The following MYO1B variants were observed in gnomAD, a reference collection of about 807,000 sequenced individuals.
MYO1B encodes myosin IB, also known as unconventional myosin-Ib.
A neutral mutation model predicts 159.7 loss-of-function variants in MYO1B; 72 were observed. The observed-to-expected ratio is 0.45, with a 90% confidence interval of 0.37 to 0.55. The LOEUF is 0.55. Ranked by LOEUF, MYO1B falls within the 20% of genes least tolerant of loss-of-function variation. The pLI, the probability that MYO1B is intolerant of heterozygous loss-of-function variation, is 0.00. For missense variants in MYO1B, 1,062 were observed against 1,364.8 expected, an observed-to-expected ratio of 0.78 and a Z score of 3.50; for synonymous variants, 468 against 473.8, an observed-to-expected ratio of 0.99 and a Z score of 0.16.
At chr2:191,317,995 A>T (rs972786051) in intron 3 of MYO1B, among the ~76,000 whole-genome samples, 10 of 152,204 alleles carry the variant, frequency 6.6e-5, no homozygotes, top group Non-Finnish European at 1.2e-4. Context: ...AGGTGATGTT[A>T]GGATTAATTA....
Position 191,363,862 on chromosome 2 carries a change from CAA to C in MYO1B, c.902_903del (p.Lys301ArgfsTer2). On this transcript the variant is annotated frameshift_variant, in exon 10 of 31. Transcript: ENST00000392318. LOFTEE classifies it high-confidence loss of function. Reference protein sequence around the residue: ...RVNGLDESKIKDKNELKEICE... With the variant: ...RVNGLDESKIXDKNELKEICE... ...TGAATGGTCTAGATGAAAGCAAAAT[CAA>C]AGATAAAAATGGTACATCCGTGGAG... 1 of 1,613,400 alleles carries C rather than the reference CAA, an allele frequency of 6.2e-7. No homozygotes were observed. The highest frequency in any genetic ancestry group is 8.5e-7 in the Non-Finnish European group (1 of 1,179,814).
chr2:191,423,297 A>G (rs921684849), intron 30 of MYO1B, among the ~76,000 whole-genome samples: 1 of 152,232 alleles, frequency 6.6e-6, no homozygotes, highest in Admixed American at 6.5e-5. Context: ...TTGTAACACA[A>G]TGGTAAATAG....
At chr2:191,288,991 A>C (rs1044850812) in intron 2 of MYO1B, among the ~76,000 whole-genome samples, 10 of 152,376 alleles carry the variant, frequency 6.6e-5, no homozygotes, top group East Asian at 1.9e-4. Context: ...TAAGATATTT[A>C]AATAAATATT....
chr2:191,254,511 C>CTT (rs762341201), intron 1 of MYO1B, among the ~76,000 whole-genome samples: 1 of 144,714 alleles, frequency 6.9e-6, no homozygotes. Flanking sequence ...CGCCCGGCCT[C>CTT]TTTTTTTTTT....
At chr2:191,351,178 T>C (rs1692896748) in intron 7 of MYO1B, among the ~76,000 whole-genome samples, 1 of 140,456 alleles carries the variant, frequency 7.1e-6, no homozygotes, top group Non-Finnish European at 1.6e-5. Flanking sequence ...AAAAAATTTA[T>C]GTTTAGACCT....
In MYO1B at chr2:191,291,276, T is replaced by C. The variant is rs576999622; in HGVS notation, c.136-4835T>C. On this transcript the variant is annotated intron_variant, in intron 2 of 30. Transcript: ENST00000392318. ...ATTATTTGATTATTTACAAGACATC[T>C]GTTTTGGAATGCTAGAGATACTTGA... 1.7e-4 allele frequency among the ~76,000 whole-genome samples: 26 copies of C among 152,338 alleles called. No homozygotes were observed. The South Asian group carries it at 5.2e-3, about 30-fold the overall frequency.
intron 1 of MYO1B, chr2:191,263,196 T>C (rs940446216): frequency 1.1e-5 from 3 of 283,362 alleles, no homozygotes; most frequent in African/African-American, 2.3e-5. Flanking sequence ...AACAGCCCTG[T>C]ATGGAAGCTG....
intron 7 of MYO1B, among the ~76,000 whole-genome samples, chr2:191,356,935 G>A (rs763625987): frequency 2.0e-5 from 3 of 152,216 alleles, no homozygotes; most frequent in Non-Finnish European, 2.9e-5. Context: ...GAGGCACAGG[G>A]TCTCTGCGAG....
At chr2:191,362,780 G>A (rs1431819642) in intron 9 of MYO1B, among the ~76,000 whole-genome samples, 1 of 152,120 alleles carries the variant, frequency 6.6e-6, no homozygotes, top group Non-Finnish European at 1.5e-5. Context: ...ATAAACCCGA[G>A]CGATTAGCAT....
intron 3 of MYO1B, among the ~76,000 whole-genome samples, chr2:191,314,356 C>G (rs956239711): frequency 2.6e-5 from 4 of 152,112 alleles, no homozygotes; most frequent in Non-Finnish European, 5.9e-5. Flanking sequence ...GTTGCTATTG[C>G]TTACAGAAAT....
chr2:191,260,181 G>A (rs1686709711), intron 1 of MYO1B, among the ~76,000 whole-genome samples: 1 of 150,420 alleles, frequency 6.6e-6, no homozygotes, highest in Non-Finnish European at 1.5e-5. Flanking sequence ...AAGATTGAGT[G>A]GGTAGCTATC....
intron 3 of MYO1B, among the ~76,000 whole-genome samples, chr2:191,300,902 T>C (rs1206020462): frequency 1.3e-5 from 2 of 152,154 alleles, no homozygotes; most frequent in African/African-American, 2.4e-5. Context: ...AAAAAATAAT[T>C]CCATTTTGTA....
chr2:191,318,992 T>G (rs1690531435), intron 3 of MYO1B, among the ~76,000 whole-genome samples: 1 of 152,146 alleles, frequency 6.6e-6, no homozygotes, highest in Non-Finnish European at 1.5e-5. Flanking sequence ...ATAGCAAGCT[T>G]GTAAACTGAT....
chr2:191,306,109 G>A (rs1689636078), intron 3 of MYO1B, among the ~76,000 whole-genome samples: 1 of 152,184 alleles, frequency 6.6e-6, no homozygotes, highest in African/African-American at 2.4e-5. Flanking sequence ...ATGGTGACAA[G>A]TGCTGTGGAG....
chr2:191,266,810 T>C (rs1014903617), intron 1 of MYO1B, among the ~76,000 whole-genome samples: 6 of 152,142 alleles, frequency 3.9e-5, no homozygotes, highest in Non-Finnish European at 5.9e-5. Context: ...CATGTTGTTA[T>C]AGCAGCCGCT....
intron 28 of MYO1B, 94 bp downstream of exon 28, chr2:191,414,274 T>C: frequency 2.1e-6 from 3 of 1,453,666 alleles, no homozygotes; most frequent in South Asian, 2.9e-5. Flanking sequence ...TTTCATGTTC[T>C]CAGTAGAGTT....
Position 191,400,378 on chromosome 2 carries a change from T to G in MYO1B, c.2296-4T>G. ...TCTCTCTTTTGGGTGATTCTGCCCT[T>G]TAGGCTCGAAAAATTCTGCGGGAAC... On this transcript the variant is annotated splice_polypyrimidine_tract_variant and splice_region_variant and intron_variant, in intron 21 of 30. Transcript: ENST00000392318. The G allele has an allele frequency of 3.1e-6, 5 of 1,614,154 alleles. No individual in the cohort carries two copies. The highest frequency in any genetic ancestry group is 4.2e-6 in the Non-Finnish European group (5 of 1,180,006).
At chr2:191,255,643 AGTGTTTTACACACTATT>A (rs1352141221) in intron 1 of MYO1B, among the ~76,000 whole-genome samples, 2 of 152,240 alleles carry the variant, frequency 1.3e-5, no homozygotes, top group Non-Finnish European at 2.9e-5. Flanking sequence ...GGTATTTAAC[AGTGTTTTACACACTATT>A]ATGACAAAGT....
At chr2:191,326,770 A>ATATATG (rs1175505917) in intron 3 of MYO1B, among the ~76,000 whole-genome samples, 13 of 137,152 alleles carry the variant, frequency 9.5e-5, no homozygotes, top group African/African-American at 3.5e-4. Context: ...GTTTGTATAT[A>ATATATG]TGTGTGTGTG....
Sources: gnomAD v4.1 joint callset for allele counts (sites outside exome capture counted in the v4.1 genomes callset) on GRCh38, gnomAD v4.1.1 for gene constraint, MANE v1.5 for transcripts, NCBI Gene and HGNC (gene_info 2026-07-23, HGNC 2026-07-21) for gene names.